Variants in MILR1 observed in about 807,000 individuals in gnomAD.
MILR1 encodes mast cell immunoglobulin like receptor 1, also known as allergin-1.
MILR1 carries 31 observed loss-of-function variants against 18.5 expected under a neutral mutation model. The observed-to-expected ratio is 1.68, with a 90% CI of 1.26 to 2.26. The LOEUF (loss-of-function observed/expected upper bound fraction) is 2.26, where lower values mean the gene tolerates loss of function less well. MILR1 is among the 30% of genes most tolerant of loss of function. The pLI, the probability that MILR1 is intolerant of heterozygous loss-of-function variation, is 0.00. For missense variants in MILR1, 257 were observed against 157.4 expected (o/e 1.63, Z -3.38); for synonymous variants, 85 against 56.2 (o/e 1.51, Z -2.30).
At chr17:64,488,904 C>G in the MILR1 span, among the ~76,000 whole-genome samples, 1 of 151,994 alleles carries the variant, frequency 6.6e-6, no homozygotes, top group East Asian at 1.9e-4. Flanking sequence ...GGAATCGCGA[C>G]ACTGCACTCC....
chr17:64,496,269 C>A, the MILR1 span: 1 of 637,316 alleles, frequency 1.6e-6, no homozygotes, highest in Non-Finnish European at 2.8e-6. Flanking sequence ...TTAATATATC[C>A]GACTACTTCA....
Position 64,452,757 on chromosome 17 carries a change from GATTTTTAACCTAAGC to G in MILR1, c.261_275del (p.Phe88_Ile92del), listed in dbSNP as rs2037202394. On this transcript the variant is annotated inframe_deletion, in exon 3 of 10. Transcript: ENST00000619286. ...CCCAGGATGGAAAAGGTGAACCTGC[GATTTTTAACCTAAGC>G]ATCACAGAAGCCCATGAATCAGGCC... 2.1e-6 allele frequency: 1 copy of G among 475,144 alleles called. No individual in the cohort carries two copies. The highest frequency in any genetic ancestry group is 3.9e-6 in the Non-Finnish European group (1 of 259,020). The allele number at this position is 475,144 out of a possible 1,614,324, so 29.4% of individuals were successfully genotyped here. A position where few individuals can be genotyped will look rare whatever the true frequency, so the allele number is the denominator to read the frequency against.
intron 5 of MILR1, among the ~76,000 whole-genome samples, chr17:64,462,543 A>G (rs1405882587): frequency 6.6e-6 from 1 of 152,164 alleles, no homozygotes; most frequent in Admixed American, 6.6e-5. Flanking sequence ...ACACCTTCAA[A>G]AGGTTTACAA....
the MILR1 span, chr17:64,480,439 G>T: frequency 1.1e-6 from 1 of 878,328 alleles, no homozygotes; most frequent in Non-Finnish European, 1.9e-6. Flanking sequence ...ATGGTAGCTA[G>T]AGTGATTATT....
chr17:64,476,563 A>C, the MILR1 span, among the ~76,000 whole-genome samples: 2 of 152,092 alleles, frequency 1.3e-5, no homozygotes, highest in African/African-American at 4.8e-5. Context: ...ATAATATGGA[A>C]GGGTGGTATT....
chr17:64,472,420 C>T (rs553480598), downstream of MILR1, among the ~76,000 whole-genome samples: 17 of 128,644 alleles, frequency 1.3e-4, no homozygotes, highest in African/African-American at 4.4e-4. Flanking sequence ...GAGCCAAGAT[C>T]GCGCCACTGC....
Position 64,467,573 on chromosome 17 carries a change from G to T in MILR1, c.988G>T (p.Asp330Tyr). 1 of 1,534,590 alleles carries T rather than the reference G, an allele frequency of 6.5e-7. No individual in the cohort carries two copies. Among genetic ancestry groups the T allele is most frequent in the Non-Finnish European group, 8.9e-7 (1 of 1,123,800 alleles). Residue 330 changes from aspartate to tyrosine, a missense_variant, in exon 9 of 10, where the codon GAT becomes TAT. Coordinates refer to ENST00000619286, the MANE Select transcript of MILR1 (RefSeq NM_001085423.2). The stretch of plus-strand genomic sequence containing the variant: ...TCCCTTTTATATTTCAGAAGCCTGT[G>T]ATTCTTATAAATCTGGATATGTCTA... ...EVAPREQEAC[D>Y]SYKSGYVYSE... is the part of the protein sequence containing the mutation.
rs202050300 is a variant in MILR1 at position 64,467,632 on chromosome 17, A to G, written c.*15A>G. 1.2e-5 allele frequency: 18 copies of G among 1,553,494 alleles called. No homozygotes were observed. Among genetic ancestry groups the G allele is most frequent in the Non-Finnish European group, 1.1e-5 (12 of 1,139,524 alleles). On this transcript the variant is annotated 3_prime_UTR_variant, in exon 9 of 10. Coordinates refer to ENST00000619286, the MANE Select transcript of MILR1 (RefSeq NM_001085423.2). ...TCAACTTCTGAAATTTACAGAAACAAACTACATCTCAGGGTAAGATGCTTT... is the reference window on the plus strand; with the variant it reads ...TCAACTTCTGAAATTTACAGAAACAGACTACATCTCAGGGTAAGATGCTTT...
intron 3 of MILR1, among the ~76,000 whole-genome samples, chr17:64,454,515 C>T (rs1212440596): frequency 5.9e-5 from 9 of 152,294 alleles, no homozygotes; most frequent in African/African-American, 2.2e-4. Flanking sequence ...TAGACCATTC[C>T]CATCATCACA....
At chr17:64,485,052 A>T in the MILR1 span, 1 of 152,290 alleles carries the variant, frequency 6.6e-6, no homozygotes, top group African/African-American at 2.4e-5. Flanking sequence ...AAAGCCCAGT[A>T]GCCTTTTTAT....
chr17:64,497,109 G>A, the MILR1 span: 2 of 837,934 alleles, frequency 2.4e-6, no homozygotes, highest in African/African-American at 1.7e-5. Flanking sequence ...GCCCCACCCC[G>A]GAAGCGCATG....
chr17:64,495,177 C>CAAAAAAAA, the MILR1 span, among the ~76,000 whole-genome samples: 75 of 119,218 alleles, frequency 6.3e-4, no homozygotes, highest in African/African-American at 1.9e-3. Flanking sequence ...GACTCTGTCT[C>CAAAAAAAA]AAAAAAAAAA....
At chr17:64,489,923 A>T in the MILR1 span, among the ~76,000 whole-genome samples, 1 of 151,404 alleles carries the variant, frequency 6.6e-6, no homozygotes, top group Non-Finnish European at 1.5e-5. Flanking sequence ...TTACTAGTTA[A>T]TTTTTTTGTT....
At chr17:64,479,183 G>GTTTTT in the MILR1 span, among the ~76,000 whole-genome samples, 3 of 126,930 alleles carry the variant, frequency 2.4e-5, no homozygotes, top group African/African-American at 5.9e-5. Context: ...TCTGAAAGGT[G>GTTTTT]TTTTTTTTTT....
chr17:64,452,449 T>G (rs2037195094), intron 2 of MILR1, 148 bp from the exon 3 acceptor site: 1 of 390,210 alleles, frequency 2.6e-6, no homozygotes, highest in Non-Finnish European at 4.6e-6. Flanking sequence ...GACAGGGTTT[T>G]GCCATGTTGC....
chr17:64,485,746 C>G, the MILR1 span: 2 of 1,613,222 alleles, frequency 1.2e-6, no homozygotes, highest in South Asian at 2.2e-5. Flanking sequence ...GAAGATTTTT[C>G]TTTCTTGTAA....
chr17:64,488,660 T>C, the MILR1 span, among the ~76,000 whole-genome samples: 2 of 152,220 alleles, frequency 1.3e-5, no homozygotes, highest in Non-Finnish European at 1.5e-5. Flanking sequence ...TAAGTTTCAT[T>C]TGAGAGCTGA....
the MILR1 span, among the ~76,000 whole-genome samples, chr17:64,476,629 T>C: frequency 2.0e-5 from 3 of 152,174 alleles, no homozygotes; most frequent in Admixed American, 6.6e-5. Flanking sequence ...AGATGATCAC[T>C]ACATAGAATT....
chr17:64,482,232 T>C, the MILR1 span, among the ~76,000 whole-genome samples: 3 of 150,312 alleles, frequency 2.0e-5, no homozygotes, highest in Non-Finnish European at 3.0e-5. Context: ...GCCTCCTGAA[T>C]AGCTGGAATT....
Sources: gnomAD v4.1 joint callset for allele counts (sites outside exome capture counted in the v4.1 genomes callset) on GRCh38, gnomAD v4.1.1 for gene constraint, MANE v1.5 for transcripts, NCBI Gene and HGNC (gene_info 2026-07-23, HGNC 2026-07-21) for gene names.